The following PTPRD variants were observed in gnomAD, a reference collection of about 807,000 sequenced individuals.
The protein encoded by PTPRD is protein tyrosine phosphatase receptor type D.
A neutral mutation model predicts 214.5 loss-of-function variants in PTPRD; 34 were observed. That is an observed-to-expected ratio of 0.16 (90% CI 0.12 to 0.21). The LOEUF is 0.21. Among genes scored for constraint, PTPRD ranks in the 10% least tolerant of loss-of-function variants. PTPRD has a pLI of 1.00. For synonymous variants in PTPRD, 1,128 were observed against 845.7 expected, an observed-to-expected ratio of 1.33 and a Z score of -5.79; for missense variants, 2,545 against 2,398.7, an observed-to-expected ratio of 1.06 and a Z score of -1.27.
intron 8 of PTPRD, among the ~76,000 whole-genome samples, chr9:9,522,923 C>T (rs1447576792): frequency 1.3e-5 from 2 of 152,074 alleles, no homozygotes; most frequent in Non-Finnish European, 1.5e-5. Context: ...CTGCTTTGCA[C>T]AGAAGATTTG....
At chr9:8,921,518 G>C (rs1008178674) in intron 11 of PTPRD, among the ~76,000 whole-genome samples, 3 of 151,636 alleles carry the variant, frequency 2.0e-5, no homozygotes, top group Non-Finnish European at 2.9e-5. Flanking sequence ...TTTTGAGACA[G>C]AGTCTCACTC....
In PTPRD at chr9:8,465,528, G is replaced by T. The variant is rs1440008272; in HGVS notation, c.3652C>A (p.Gln1218Lys). The T allele has an allele frequency of 6.2e-7, 1 of 1,612,642 alleles. No homozygotes were observed. The highest frequency in any genetic ancestry group is 8.5e-7 in the Non-Finnish European group (1 of 1,179,056). ...DKHYGGFTNK[Q>K]LQSGQEYVFF... ...ACATATTCTTGACCACTTTGGAGTT[G>T]CTTGTTTGTAAATCCACCATAATGC... The change falls in exon 32 of 46, where the codon CAA becomes AAA. Residue 1218 changes from glutamine to lysine, a missense_variant. By Grantham distance (53) the Gln-to-Lys change is moderately conservative. Coordinates refer to ENST00000381196, the MANE Select transcript of PTPRD (RefSeq NM_002839.4).
chr9:9,337,954 C>T (rs1595993534), intron 9 of PTPRD, among the ~76,000 whole-genome samples: 1 of 152,174 alleles, frequency 6.6e-6, no homozygotes. Flanking sequence ...TTTCTTCATA[C>T]ATTCTTTTCC....
At chr9:9,230,974 T>C (rs1023407358) in intron 9 of PTPRD, among the ~76,000 whole-genome samples, 1 of 151,968 alleles carries the variant, frequency 6.6e-6, no homozygotes, top group Admixed American at 6.6e-5. Flanking sequence ...AAATAGCCAA[T>C]CTCACACTTG....
At chr9:10,490,674 T>C (rs2039909768) in intron 2 of PTPRD, among the ~76,000 whole-genome samples, 1 of 152,202 alleles carries the variant, frequency 6.6e-6, no homozygotes, top group Non-Finnish European at 1.5e-5. Flanking sequence ...GTTACAGTTT[T>C]CCTCCTGTCT....
intron 8 of PTPRD, among the ~76,000 whole-genome samples, chr9:9,464,277 C>A (rs1325768812): frequency 1.3e-5 from 2 of 152,208 alleles, no homozygotes; most frequent in East Asian, 3.9e-4. Flanking sequence ...ATCTTTCAAC[C>A]TTTTCTCCCT....
At chr9:9,833,685 G>GGC (rs1555186479) in intron 5 of PTPRD, among the ~76,000 whole-genome samples, 5 of 146,236 alleles carry the variant, frequency 3.4e-5, no homozygotes, top group African/African-American at 8.0e-5. Context: ...CTCCGGAGAG[G>GGC]GGGGCAGTTC....
Position 8,331,853 on chromosome 9 carries a change from GTTAGGAACATGT to G in PTPRD, c.5380-129_5380-118del, listed in dbSNP as rs1841550904. On this transcript the variant is annotated intron_variant, in intron 43 of 45. Transcript: ENST00000381196. Reference sequence around the variant, plus strand: ...CCCGAAAACAAAAAGGGTAGAAAAAGTTAGGAACATGTTTAAATAGAAACTTAGTTATGGTTT... The same window carrying G: ...CCCGAAAACAAAAAGGGTAGAAAAAGTTAAATAGAAACTTAGTTATGGTTT... The G allele has an allele frequency of 5.6e-6, 7 of 1,242,746 alleles. No individual in the cohort carries two copies. In the African/African-American group the frequency reaches 1.1e-4, roughly 19 times the overall value. 77.0% of individuals were successfully genotyped at this position (1,242,746 alleles called of 1,614,324 possible).
intron 3 of PTPRD, among the ~76,000 whole-genome samples, chr9:10,236,811 T>C (rs2099630513): frequency 2.0e-5 from 3 of 151,938 alleles, no homozygotes; most frequent in African/African-American, 7.2e-5. Context: ...GGATATTGCA[T>C]AATCCAGTAA....
intron 4 of PTPRD, among the ~76,000 whole-genome samples, chr9:10,018,020 C>A (rs1251104465): frequency 6.6e-6 from 1 of 152,130 alleles, no homozygotes; most frequent in East Asian, 1.9e-4. Context: ...TTAGTTTTAA[C>A]AGCATAAGTT....
intron 8 of PTPRD, among the ~76,000 whole-genome samples, chr9:9,481,538 T>C (rs1254276462): frequency 6.6e-6 from 1 of 152,164 alleles, no homozygotes; most frequent in Non-Finnish European, 1.5e-5. Flanking sequence ...TTAATTTTAA[T>C]TTATTTAAAA....
intron 14 of PTPRD, among the ~76,000 whole-genome samples, chr9:8,603,210 G>C (rs1297663063): frequency 3.3e-5 from 5 of 152,100 alleles, no homozygotes. Flanking sequence ...GCTTAATTCA[G>C]TCTTTGTAAA....
In PTPRD at chr9:9,543,635, C is replaced by T. The variant is rs1034574923; in HGVS notation, c.-237+31097G>A. ...GCTGAGAATTATGCAAATCTCAGAG[C>T]CCATTTTATGTCACAGATAAGCCTA... On this transcript the variant is annotated intron_variant, in intron 8 of 45. Transcript: ENST00000381196. 2.0e-5 allele frequency among the ~76,000 whole-genome samples: 3 copies of T among 151,352 alleles called. No individual in the cohort carries two copies. In the Admixed American group the frequency reaches 2.0e-4, roughly 10 times the overall value.
At position 10,089,025 on chromosome 9, in the gene PTPRD, G is replaced by C. The variant is rs534542897; in HGVS notation, c.-544-55235C>G. Among the ~76,000 whole-genome samples, 10 of 151,436 alleles carry C rather than the reference G, an allele frequency of 6.6e-5. No individual in the cohort carries two copies. The East Asian group carries it at 1.8e-3, about 27-fold the overall frequency. ...ATCAGAGACAAGCTTGAACCCATCA[G>C]AGACAAGACCCCATCTCTATAAAGA... On this transcript the variant is annotated intron_variant, in intron 3 of 45. Coordinates refer to ENST00000381196, the MANE Select transcript of PTPRD (RefSeq NM_002839.4).
At chr9:8,539,083 T>C (rs1422164701) in intron 14 of PTPRD, among the ~76,000 whole-genome samples, 1 of 152,062 alleles carries the variant, frequency 6.6e-6, no homozygotes, top group East Asian at 1.9e-4. Context: ...TGACCAAATA[T>C]TGGACAACTT....
chr9:10,288,178 T>C (rs1478217981), intron 3 of PTPRD, among the ~76,000 whole-genome samples: 1 of 60,568 alleles, frequency 1.7e-5, no homozygotes, highest in Non-Finnish European at 3.3e-5. Flanking sequence ...TGGGTGAGGG[T>C]GGGGATGGTG....
intron 3 of PTPRD, among the ~76,000 whole-genome samples, chr9:10,101,249 C>T (rs1561717): frequency 3.9e-5 from 5 of 127,678 alleles, no homozygotes; most frequent in East Asian, 5.2e-4. Flanking sequence ...CTATGGGACT[C>T]GCTGAAAGTA....
At chr9:9,518,321 A>G (rs1408152828) in intron 8 of PTPRD, among the ~76,000 whole-genome samples, 1 of 152,056 alleles carries the variant, frequency 6.6e-6, no homozygotes, top group Non-Finnish European at 1.5e-5. Context: ...TAATATAGAA[A>G]ATTCTTTTTT....
chr9:9,340,593 C>G (rs923982794), intron 9 of PTPRD, among the ~76,000 whole-genome samples: 3 of 152,152 alleles, frequency 2.0e-5, no homozygotes, highest in African/African-American at 4.8e-5. Context: ...GGTGCGTGAT[C>G]ACACTGTGAG....
Sources: gnomAD v4.1 joint callset for allele counts (sites outside exome capture counted in the v4.1 genomes callset) on GRCh38, gnomAD v4.1.1 for gene constraint, MANE v1.5 for transcripts, NCBI Gene and HGNC (gene_info 2026-07-23, HGNC 2026-07-21) for gene names.